Variants in POLD1 observed in about 807,000 individuals in gnomAD.
POLD1 encodes DNA polymerase delta catalytic subunit.
POLD1 carries 79 observed loss-of-function variants against 129.7 expected under a neutral mutation model. That is an observed-to-expected ratio of 0.61 (90% CI 0.51 to 0.73). The LOEUF (loss-of-function observed/expected upper bound fraction) is 0.73, where lower values mean the gene tolerates loss of function less well. Ranked by LOEUF, POLD1 falls within the 30% of genes least tolerant of loss-of-function variation. POLD1 has a pLI of 0.00. For synonymous variants in POLD1, 714 were observed against 683.3 expected (o/e 1.04, Z -0.70); for missense variants, 1,338 against 1,595.8 (o/e 0.84, Z 2.75).
Position 50,409,177 on chromosome 19 carries a change from T to C in POLD1, c.1948T>C (p.Ser650Pro). Residue 650 changes from serine (S) to proline (P), a missense_variant, in exon 16 of 27, where the codon TCA becomes CCA. Physicochemically the swap from Ser to Pro is moderately conservative, Grantham distance 74. This residue lies in a region of POLD1 where 720 missense variants were observed against 1,002.6 expected (regional missense o/e 0.72). Transcript: ENST00000440232. This position sits in a 1 kb window ranked among gnomAD's most constrained non-coding sequence, Gnocchi z 5.8. ...TPTGDEFVKT[S>P]VRKGLLPQIL... ...CACCGGGGACGAGTTTGTGAAGACC[T>C]CAGTGCGGAAGGGGCTGCTGCCCCA... The C allele has an allele frequency of 6.2e-7, 1 of 1,613,786 alleles. No individual in the cohort carries two copies. Among genetic ancestry groups the C allele is most frequent in the South Asian group, 1.1e-5 (1 of 91,074 alleles).
chr19:50,400,699 CTT>C (rs78107518), intron 3 of POLD1, among the ~76,000 whole-genome samples: 20 of 136,934 alleles, frequency 1.5e-4, no homozygotes, highest in Admixed American at 1.5e-4. Context: ...GTCTGGCTAA[CTT>C]TTTTTTTTTT....
Position 50,406,957 on chromosome 19 carries a change from C to T in POLD1, c.1495-26C>T. 6.4e-7 allele frequency: 1 copy of T among 1,560,680 alleles called. No individual in the cohort carries two copies. The highest frequency in any genetic ancestry group is 8.7e-7 in the Non-Finnish European group (1 of 1,151,096). On this transcript the variant is annotated intron_variant, in intron 12 of 26. Transcript: ENST00000440232. The surrounding 1 kb of genome is among the most constrained non-coding windows in gnomAD (Gnocchi z 5.5). ...ACCTCCCACCCCCAACCCCTGGTCC[C>T]TGACCCCATCCGTGCCCATCCCCAG...
chr19:50,390,683 G>C (rs1320735207), intron 1 of POLD1, among the ~76,000 whole-genome samples: 1 of 151,794 alleles, frequency 6.6e-6, no homozygotes, highest in Admixed American at 6.6e-5. Flanking sequence ...ATAAACAAGT[G>C]AACAAAAGTC....
chr19:50,410,424 G>A lies in POLD1; in HGVS notation c.2154+758G>A, dbSNP rs114889039. Among the ~76,000 whole-genome samples, 575 of 152,178 alleles carry A rather than the reference G, an allele frequency of 3.8e-3. 3 individuals are homozygous for A. Among genetic ancestry groups the A allele is most frequent in the African/African-American group, 0.013 (547 of 41,504 alleles). Reference sequence around the variant, plus strand: ...CGCCACTTTTCACAGGGCTCTGGGTGGAAGGCTTGGATGAATTCTCAGTGG... The same window carrying A: ...CGCCACTTTTCACAGGGCTCTGGGTAGAAGGCTTGGATGAATTCTCAGTGG... On this transcript the variant is annotated intron_variant, in intron 17 of 26. Transcript: ENST00000440232.
rs113282414 is a variant in POLD1 at position 50,402,620 on chromosome 19, G to T, written c.849G>T (p.Gln283His). 1.9e-3 allele frequency: 2,946 copies of T among 1,573,394 alleles called. 40 individuals carry two copies. In the African/African-American group the frequency reaches 0.035, roughly 19 times the overall value. ...YALRLKEKATQCQLEADVLWS... is the reference protein window; with the variant it reads ...YALRLKEKATHCQLEADVLWS... ...CCCACCCATGCCCACAGGCTACGCA[G>T]TGCCAGCTGGAGGCGGACGTGCTGT... is the stretch of plus-strand genomic sequence containing the variant. Residue 283 changes from glutamine (Q) to histidine (H), a missense_variant, in exon 8 of 27, where the codon CAG (glutamine) becomes CAT (histidine). Coordinates refer to ENST00000440232, the MANE Select transcript of POLD1 (RefSeq NM_002691.4).
chr19:50,398,212 A>C (rs926126865), intron 1 of POLD1, among the ~76,000 whole-genome samples: 6 of 152,186 alleles, frequency 3.9e-5, no homozygotes, highest in African/African-American at 1.4e-4. Flanking sequence ...TTTCAATGGC[A>C]GATGGCCTGG....
At position 50,398,913 on chromosome 19, in the gene POLD1, G is replaced by C; in HGVS notation, c.62G>C (p.Gly21Ala). The change falls in exon 2 of 27, where the codon GGC (glycine) becomes GCC (alanine). Residue 21 changes from glycine (G) to alanine (A), a missense_variant. By Grantham distance (60) the Gly-to-Ala change is moderately conservative. Around this residue, in one of 3 missense-constraint regions of POLD1, gnomAD observed 332 missense variants for 315.7 expected, o/e 1.05. Coordinates refer to ENST00000440232, the MANE Select transcript of POLD1 (RefSeq NM_002691.4). ...GTGCCCCCAAAGCGGGCCCGTGGGG[G>C]CCTCTGGGATGATGATGATGCACCT... ...PGVPPKRARG[G>A]LWDDDDAPRP... is the part of the protein sequence containing the mutation. The C allele has an allele frequency of 6.3e-7, 1 of 1,598,846 alleles. No homozygotes were observed.
intron 1 of POLD1, among the ~76,000 whole-genome samples, chr19:50,397,617 C>A (rs1044658923): frequency 4.6e-5 from 7 of 152,140 alleles, no homozygotes; most frequent in South Asian, 4.2e-4. Flanking sequence ...GTTGGTCAGG[C>A]TGGTCTCGAA....
At position 50,402,357 on chromosome 19, in the gene POLD1, G is replaced by A. The variant is rs538267691; in HGVS notation, c.742G>A (p.Val248Ile). 9.3e-6 allele frequency: 15 copies of A among 1,611,144 alleles called. No individual in the cohort carries two copies. The highest frequency in any genetic ancestry group is 4.4e-5 in the South Asian group (4 of 90,952). The change falls in exon 6 of 27, where the codon GTC (valine) becomes ATC (isoleucine). Residue 248 changes from valine to isoleucine, a missense_variant. By Grantham distance (29) the Val-to-Ile change is conservative. This residue lies in a region of POLD1 where 720 missense variants were observed against 1,002.6 expected (regional missense o/e 0.72). Transcript: ENST00000440232. The stretch of plus-strand genomic sequence containing the variant: ...CAGCTTCGCGCCCTACGAGGCCAAC[G>A]TCGACTTTGAGATCCGGTACGGCCT... ...TPSFAPYEAN[V>I]DFEIRFMVDT...
At chr19:50,404,028 G>A (rs1428803135) in intron 10 of POLD1, among the ~76,000 whole-genome samples, 13 of 152,084 alleles carry the variant, frequency 8.5e-5, no homozygotes, top group Admixed American at 7.9e-4. Flanking sequence ...TCCTCTGCCC[G>A]AGTTGCTGTA....
intron 1 of POLD1, among the ~76,000 whole-genome samples, chr19:50,396,418 CATTGTATATCTTGTCAAGGAT>C (rs552155810): frequency 0.01 from 1,583 of 151,494 alleles, 26 homozygotes; most frequent in African/African-American, 0.036. Flanking sequence ...ATATCTTGTA[CATTGTATATCTTGTCAAGGAT>C]ATTGTATATC....
Position 50,400,757 on chromosome 19 carries a change from C to T in POLD1, c.317-1021C>T, listed in dbSNP as rs1181749879. On this transcript the variant is annotated intron_variant, in intron 3 of 26. Coordinates refer to ENST00000440232, the MANE Select transcript of POLD1 (RefSeq NM_002691.4). ...TGTCACCTAGGCTGGAGTGCAGTGG[C>T]GCGATCTCGGCTCACTGCAAGCTCT... Among the ~76,000 whole-genome samples, 5 of 148,918 alleles carry T rather than the reference C, an allele frequency of 3.4e-5. No individual in the cohort carries two copies. The South Asian group carries it at 8.5e-4, about 25-fold the overall frequency.
chr19:50,413,601 C>T (rs1405635274), intron 18 of POLD1, 80 bp downstream of exon 18: 10 of 1,533,472 alleles, frequency 6.5e-6, no homozygotes, highest in East Asian at 4.6e-5. Flanking sequence ...CCCCATGTCC[C>T]CGTGCCTCCT....
chr19:50,391,347 G>T (rs1460305534), intron 1 of POLD1, among the ~76,000 whole-genome samples: 5 of 152,224 alleles, frequency 3.3e-5, no homozygotes, highest in East Asian at 1.9e-4. Context: ...CAAGGCAGGC[G>T]GCTGGGAGGT....
At chr19:50,390,712 A>G (rs1333244514) in intron 1 of POLD1, among the ~76,000 whole-genome samples, 3 of 152,100 alleles carry the variant, frequency 2.0e-5, no homozygotes, top group Admixed American at 6.5e-5. Context: ...TCCTAGGCAG[A>G]GGGCCCTGCG....
At chr19:50,408,725 G>A in intron 14 of POLD1, 60 bp from the exon 15 acceptor site, 1 of 1,597,504 alleles carries the variant, frequency 6.3e-7, no homozygotes, top group Non-Finnish European at 8.5e-7. Context: ...CACAAGACAG[G>A]GCGGGGGCGG....
Position 50,408,702 on chromosome 19 carries a change from TAAAGGG to T in POLD1, c.1776-82_1776-77del. On this transcript the variant is annotated intron_variant, in intron 14 of 26. Coordinates refer to ENST00000440232, the MANE Select transcript of POLD1 (RefSeq NM_002691.4). ...CAGCCAATGAATGATTTTTTTTTTTTAAAGGGTGAGGCCACAAGACAGGGCGGGGGC... is the reference window on the plus strand; with the variant it reads ...CAGCCAATGAATGATTTTTTTTTTTTTGAGGCCACAAGACAGGGCGGGGGC... 3.9e-6 allele frequency: 6 copies of T among 1,543,108 alleles called. No homozygotes were observed. The Admixed American group carries it at 6.1e-5, about 16-fold the overall frequency.
intron 20 of POLD1, 63 bp from the exon 21 acceptor site, chr19:50,415,375 G>T (rs148138855): frequency 7.2e-6 from 11 of 1,528,670 alleles, no homozygotes; most frequent in Non-Finnish European, 7.2e-6. Flanking sequence ...CCTGAGACCC[G>T]TGGAGGCACC....
At chr19:50,396,821 C>T (rs1256627977) in intron 1 of POLD1, among the ~76,000 whole-genome samples, 1 of 152,180 alleles carries the variant, frequency 6.6e-6, no homozygotes, top group East Asian at 1.9e-4. Flanking sequence ...ACAGGCCAGG[C>T]TTGGTGGCTT....
Sources: allele counts gnomAD v4.1 joint callset (sites outside exome capture counted in the v4.1 genomes callset), GRCh38; gene constraint gnomAD v4.1.1; regional missense constraint gnomAD v4.1.1; non-coding constraint Gnocchi (gnomAD v3.1); transcripts MANE v1.5; gene names NCBI Gene and HGNC (gene_info 2026-07-23, HGNC 2026-07-21).